Variants in LMTK2 observed in about 807,000 individuals in gnomAD.
LMTK2 encodes serine/threonine-protein kinase LMTK2.
Under a neutral mutation model 127.5 loss-of-function variants are expected in LMTK2, and 37 were observed. The ratio of observed to expected loss-of-function variants is 0.29; its 90% CI spans 0.22 to 0.38. The LOEUF is 0.38. Ranked by LOEUF, LMTK2 falls within the 10% of genes least tolerant of loss-of-function variation. The pLI, the probability that LMTK2 is intolerant of heterozygous loss-of-function variation, is 1.00. For synonymous variants in LMTK2, 819 were observed against 810.1 expected (o/e 1.01, Z -0.19); for missense variants, 1,694 against 1,920.3 (o/e 0.88, Z 2.20).
intron 4 of LMTK2, among the ~76,000 whole-genome samples, chr7:98,153,004 G>A (rs1259958691): frequency 9.2e-5 from 14 of 152,298 alleles, no homozygotes; most frequent in African/African-American, 3.4e-4. Context: ...AGGGCCTGAT[G>A]AACTGGAAGA....
At chr7:98,166,780 A>G (rs1237462223) in intron 6 of LMTK2, among the ~76,000 whole-genome samples, 2 of 152,234 alleles carry the variant, frequency 1.3e-5, no homozygotes, top group Non-Finnish European at 2.9e-5. Context: ...CTGACCATCT[A>G]GGTTCATGTA....
Position 98,186,972 on chromosome 7 carries a change from A to C in LMTK2, c.972A>C (p.Ala324=). 6.2e-7 allele frequency: 1 copy of C among 1,613,892 alleles called. No individual in the cohort carries two copies. Among genetic ancestry groups the C allele is most frequent in the Non-Finnish European group, 8.5e-7 (1 of 1,179,788 alleles). Residue 324 remains alanine, a synonymous_variant, in exon 9 of 14, where the codon GCA becomes GCC. Coordinates refer to ENST00000297293, the MANE Select transcript of LMTK2 (RefSeq NM_014916.4). Reference sequence around the variant, plus strand: ...GCTTTCAAGACAGACTGCTAACTGCAGATCAGACTAAGTATAGTAATATCT... The same window carrying C: ...GCTTTCAAGACAGACTGCTAACTGCCGATCAGACTAAGTATAGTAATATCT... The part of the protein sequence containing the change: ...VTSFQDRLLT[A]DQTKYSNIWS...
chr7:98,131,118 C>G (rs1280146579), intron 1 of LMTK2, among the ~76,000 whole-genome samples: 2 of 152,134 alleles, frequency 1.3e-5, no homozygotes, highest in Non-Finnish European at 2.9e-5. Flanking sequence ...TGTTTGGAAG[C>G]AAATTCCAGA....
At position 98,193,092 on chromosome 7, in the gene LMTK2, C is replaced by G. The variant is rs745405571; in HGVS notation, c.2627C>G (p.Thr876Ser). The change falls in exon 11 of 14, where the codon ACC (threonine) becomes AGC (serine). Residue 876 changes from threonine (T) to serine (S), a missense_variant. Coordinates refer to ENST00000297293, the MANE Select transcript of LMTK2 (RefSeq NM_014916.4). This position sits in a 1 kb window ranked among gnomAD's most constrained non-coding sequence, Gnocchi z 4.1. ...GAAATTCTCTCAACTGATGCCAGAA[C>G]CCACAGCCTGGATAACAGGTCCCAG... ...PVEILSTDAR[T>S]HSLDNRSQDS... The G allele has an allele frequency of 1.2e-6, 2 of 1,613,616 alleles. No individual in the cohort carries two copies. The highest frequency in any genetic ancestry group is 1.7e-6 in the Non-Finnish European group (2 of 1,180,032).
chr7:98,193,974 A>G lies in LMTK2; in HGVS notation c.3509A>G (p.Asn1170Ser). 2 of 1,613,842 alleles carry G rather than the reference A, an allele frequency of 1.2e-6. No individual in the cohort carries two copies. The highest frequency in any genetic ancestry group is 1.6e-4 in the Middle Eastern group (1 of 6,062). ...GAAAGTTGTCTGTCTGCTTTGCACAACTCCAGTGACCTGGAATTAAGAGCC... is the reference window on the plus strand; with the variant it reads ...GAAAGTTGTCTGTCTGCTTTGCACAGCTCCAGTGACCTGGAATTAAGAGCC... Reference protein sequence around the residue: ...PDESCLSALHNSSDLELRATP... With the variant: ...PDESCLSALHSSSDLELRATP... The change falls in exon 11 of 14, where the codon AAC (asparagine) becomes AGC (serine). Residue 1170 changes from asparagine to serine, a missense_variant. Physicochemically the swap from Asn to Ser is conservative, Grantham distance 46. Transcript: ENST00000297293. This position sits in a 1 kb window ranked among gnomAD's most constrained non-coding sequence, Gnocchi z 4.1.
intron 3 of LMTK2, among the ~76,000 whole-genome samples, chr7:98,149,594 A>T (rs1342407181): frequency 1.3e-5 from 2 of 152,218 alleles, no homozygotes; most frequent in Non-Finnish European, 2.9e-5. Flanking sequence ...TTTGATCCAT[A>T]CCTTGCACCA....
At chr7:98,195,149 T>G (rs997877540) in intron 11 of LMTK2, among the ~76,000 whole-genome samples, 1 of 152,178 alleles carries the variant, frequency 6.6e-6, no homozygotes, top group African/African-American at 2.4e-5. Flanking sequence ...TCTCAAAGTT[T>G]TGGGATTACA....
Position 98,180,615 on chromosome 7 carries a change from A to G in LMTK2, c.792-4436A>G, listed in dbSNP as rs889224909. 7.9e-5 allele frequency among the ~76,000 whole-genome samples: 12 copies of G among 152,330 alleles called. No individual in the cohort carries two copies. The South Asian group carries it at 8.3e-4, about 11-fold the overall frequency. On this transcript the variant is annotated intron_variant, in intron 7 of 13. Transcript: ENST00000297293. The stretch of plus-strand genomic sequence containing the variant: ...ATGCTCTTTACCTCCCTTGTGGAGA[A>G]GTAGAGAGTTTGGAAGTCATGAAAG...
rs1490835497 is a variant in LMTK2 at position 98,208,555 on chromosome 7, A to C, written c.*3063A>C. On this transcript the variant is annotated 3_prime_UTR_variant, in exon 14 of 14. Transcript: ENST00000297293. The stretch of plus-strand genomic sequence containing the variant: ...TTCTATGGGGTAGCAACCCAGAATC[A>C]ATCTGAATTAGTCCTGTTTTGGTGG... 1 of 152,232 alleles carries C rather than the reference A, an allele frequency of 6.6e-6. No individual in the cohort carries two copies. The highest frequency in any genetic ancestry group is 2.4e-5 in the African/African-American group (1 of 41,460). The allele number at this position is 152,232 out of a possible 1,614,324, so 9.4% of individuals were successfully genotyped here. A position where few individuals can be genotyped will look rare whatever the true frequency, so the allele number is the denominator to read the frequency against.
chr7:98,184,221 G>T (rs1405324984), intron 7 of LMTK2, among the ~76,000 whole-genome samples: 1 of 152,034 alleles, frequency 6.6e-6, no homozygotes, highest in Non-Finnish European at 1.5e-5. Flanking sequence ...TTAACCTGTC[G>T]AGCGTTCCCA....
chr7:98,161,106 T>G (rs1797008989), intron 6 of LMTK2, among the ~76,000 whole-genome samples: 1 of 152,190 alleles, frequency 6.6e-6, no homozygotes, highest in Admixed American at 6.5e-5. Flanking sequence ...TATCTACCTA[T>G]TTGGTATTCT....
chr7:98,139,462 C>T (rs2116363451), intron 2 of LMTK2, among the ~76,000 whole-genome samples: 1 of 152,254 alleles, frequency 6.6e-6, no homozygotes, highest in Non-Finnish European at 1.5e-5. Context: ...TCTTTAGAAT[C>T]ATCTGTTGGT....
intron 6 of LMTK2, among the ~76,000 whole-genome samples, chr7:98,170,613 A>G (rs1797168734): frequency 6.6e-6 from 1 of 151,132 alleles, no homozygotes; most frequent in African/African-American, 2.4e-5. Context: ...ACTGAAAGCT[A>G]TTGGCTTGCT....
chr7:98,184,897 A>C (rs1797410010), intron 7 of LMTK2, among the ~76,000 whole-genome samples, 154 bp from the exon 8 acceptor site: 1 of 152,160 alleles, frequency 6.6e-6, no homozygotes, highest in Non-Finnish European at 1.5e-5. Context: ...TAATACTTCT[A>C]CTATGAAAAA....
intron 13 of LMTK2, 105 bp downstream of exon 13, chr7:98,204,291 A>C: frequency 7.0e-7 from 1 of 1,421,344 alleles, no homozygotes; most frequent in East Asian, 2.3e-5. Flanking sequence ...TGTCTTCTTC[A>C]CATTTGCTGA....
chr7:98,191,809 C>T lies in LMTK2; in HGVS notation c.1344C>T (p.Asp448=), dbSNP rs1161184916. ...SSNNAAFPIL[D]HFARDRLGRE... The stretch of plus-strand genomic sequence containing the variant: ...ACAATGCTGCATTCCCAATTCTCGA[C>T]CACTTTGCCAGGGACCGGCTGGGTC... Residue 448 remains aspartate (D), a synonymous_variant, in exon 11 of 14, where the codon GAC becomes GAT. Transcript: ENST00000297293. The T allele has an allele frequency of 6.2e-7, 1 of 1,614,088 alleles. No homozygotes were observed. The highest frequency in any genetic ancestry group is 1.3e-5 in the African/African-American group (1 of 74,938).
chr7:98,192,687 A>G lies in LMTK2; in HGVS notation c.2222A>G (p.His741Arg). Reference sequence around the variant, plus strand: ...AAAGGCTCATTGTCCAGCAAAGAACACATAAATGATCTTCAGACAGAACTT... The same window carrying G: ...AAAGGCTCATTGTCCAGCAAAGAACGCATAAATGATCTTCAGACAGAACTT... Reference protein sequence around the residue: ...LLKGSLSSKEHINDLQTELKN... With the variant: ...LLKGSLSSKERINDLQTELKN... The change falls in exon 11 of 14, where the codon CAC (histidine) becomes CGC (arginine). Residue 741 changes from histidine to arginine, a missense_variant. This residue lies in a region of LMTK2 where 527 missense variants were observed against 539.8 expected (regional missense o/e 0.98). Coordinates refer to ENST00000297293, the MANE Select transcript of LMTK2 (RefSeq NM_014916.4). The G allele has an allele frequency of 6.2e-7, 1 of 1,611,094 alleles. No individual in the cohort carries two copies. The highest frequency in any genetic ancestry group is 8.5e-7 in the Non-Finnish European group (1 of 1,179,192).
At chr7:98,163,073 G>A (rs1797039216) in intron 6 of LMTK2, among the ~76,000 whole-genome samples, 1 of 150,692 alleles carries the variant, frequency 6.6e-6, no homozygotes, top group Non-Finnish European at 1.5e-5. Context: ...GGGACCTAGA[G>A]TAGTCAGATT....
chr7:98,158,622 A>G (rs971741763), intron 5 of LMTK2, among the ~76,000 whole-genome samples: 1 of 152,172 alleles, frequency 6.6e-6, no homozygotes, highest in African/African-American at 2.4e-5. Flanking sequence ...TAAAAAAAAT[A>G]TAAATAATAC....
Sources: allele counts gnomAD v4.1 joint callset (sites outside exome capture counted in the v4.1 genomes callset), GRCh38; gene constraint gnomAD v4.1.1; regional missense constraint gnomAD v4.1.1; non-coding constraint Gnocchi (gnomAD v3.1); transcripts MANE v1.5; gene names NCBI Gene and HGNC (gene_info 2026-07-23, HGNC 2026-07-21).